The following HMGN1 variants were observed in gnomAD, a reference collection of about 807,000 sequenced individuals.
The protein encoded by HMGN1 is non-histone chromosomal protein HMG-14.
HMGN1 carries 9 observed loss-of-function variants against 18.4 expected under a neutral mutation model. The observed-to-expected ratio is 0.49, with a 90% confidence interval of 0.29 to 0.85. The LOEUF is 0.85. Ranked by LOEUF, HMGN1 falls within the 40% of genes least tolerant of loss-of-function variation. The pLI, the probability that HMGN1 is intolerant of heterozygous loss-of-function variation, is 0.07. For missense variants in HMGN1, 151 were observed against 119.2 expected, an observed-to-expected ratio of 1.27 and a Z score of -1.24; for synonymous variants, 59 against 45.0, an observed-to-expected ratio of 1.31 and a Z score of -1.24.
At chr21:39,348,605 G>C (rs199956089) in intron 1 of HMGN1, 28 bp from the exon 2 acceptor site, 7 of 1,568,454 alleles carry the variant, frequency 4.5e-6, no homozygotes, top group Non-Finnish European at 5.2e-6. Context: ...CACGAATAGA[G>C]GCGGGCCGCA....
chr21:39,347,606 T>C (rs997453475), intron 4 of HMGN1: 1 of 420,970 alleles, frequency 2.4e-6, no homozygotes, highest in South Asian at 1.7e-5. Flanking sequence ...CTTTACAGGT[T>C]TCAATGCTAT....
intron 4 of HMGN1, 101 bp from the exon 5 acceptor site, chr21:39,345,375 G>T (rs2037015187): frequency 8.8e-7 from 1 of 1,140,764 alleles, no homozygotes; most frequent in East Asian, 2.4e-5. Flanking sequence ...TGTGCCCAGT[G>T]GTGCTGACTT....
At chr21:39,343,285 T>A in intron 5 of HMGN1, 126 bp from the exon 6 acceptor site, 2 of 918,794 alleles carry the variant, frequency 2.2e-6, no homozygotes. Context: ...CCTACTCTTG[T>A]TAAAAAACTT....
intron 4 of HMGN1, chr21:39,345,666 G>T (rs746158112): frequency 4.4e-5 from 19 of 427,678 alleles, no homozygotes; most frequent in Non-Finnish European, 7.9e-5. Flanking sequence ...CACCACTGTC[G>T]CCATCATCCA....
intron 5 of HMGN1, among the ~76,000 whole-genome samples, chr21:39,344,316 CTG>C (rs1353041664): frequency 7.0e-6 from 1 of 143,868 alleles, no homozygotes; most frequent in Non-Finnish European, 1.5e-5. Context: ...AAAAAATAAA[CTG>C]TGATTATAAA....
chr21:39,348,519 A>ACCC (rs773459571), intron 2 of HMGN1, 26 bp downstream of exon 2: 4 of 1,609,848 alleles, frequency 2.5e-6, no homozygotes, highest in Non-Finnish European at 3.4e-6. Flanking sequence ...GAAACCCACC[A>ACCC]CCCCCCGCAG....
chr21:39,343,577 G>A (rs2036938625), intron 5 of HMGN1, among the ~76,000 whole-genome samples: 1 of 152,198 alleles, frequency 6.6e-6, no homozygotes, highest in Non-Finnish European at 1.5e-5. Context: ...TCAATTCAAG[G>A]CTGTGATGTG....
intron 4 of HMGN1, chr21:39,345,665 C>G: frequency 2.3e-6 from 1 of 425,614 alleles, no homozygotes; most frequent in Non-Finnish European, 4.4e-6. Context: ...TCACCACTGT[C>G]GCCATCATCC....
chr21:39,348,679 T>G (rs1486234614), intron 1 of HMGN1, 102 bp from the exon 2 acceptor site: 1 of 1,384,526 alleles, frequency 7.2e-7, no homozygotes, highest in Non-Finnish European at 9.6e-7. Flanking sequence ...CGTCACGGCT[T>G]CCCGCCGCCC....
intron 4 of HMGN1, 150 bp downstream of exon 4, chr21:39,348,137 CCATTA>C (rs1052473889): frequency 2.0e-6 from 2 of 980,680 alleles, no homozygotes; most frequent in Admixed American, 5.0e-5. Flanking sequence ...ATGAATATAT[CCATTA>C]CATTTTTGCC....
At chr21:39,348,630 G>GGGCCCGCCCGGCCCCGAGAACAATGCCC in intron 1 of HMGN1, 53 bp from the exon 2 acceptor site, 3 of 1,509,372 alleles carry the variant, frequency 2.0e-6, no homozygotes, top group Non-Finnish European at 2.6e-6. Flanking sequence ...CAGGACTCGC[G>GGGCCCGCCCGGCCCCGAGAACAATGCCC]GGCCCGCCCG....
At chr21:39,343,186 T>G in intron 5 of HMGN1, 27 bp from the exon 6 acceptor site, 1 of 1,582,640 alleles carries the variant, frequency 6.3e-7, no homozygotes, top group Non-Finnish European at 8.6e-7. Context: ...ATTGAGATCT[T>G]TAGCATTTAA....
chr21:39,345,148 C>T lies in HMGN1; in HGVS notation c.253G>A (p.Glu85Lys). The change falls in exon 5 of 6, where the codon GAG (glutamate) becomes AAG (lysine). Residue 85 changes from glutamate to lysine, a missense_variant and splice_region_variant. Transcript: ENST00000380749. ...PAENGETKTE[E>K]SPASDEAGEK... The stretch of plus-strand genomic sequence containing the variant: ...ACACACACACACACACTTCTGACCT[C>T]CTCAGTCTTCGTTTCCCCGTTTTCC... 1 of 1,587,996 alleles carries T rather than the reference C, an allele frequency of 6.3e-7. No individual in the cohort carries two copies. The highest frequency in any genetic ancestry group is 8.6e-7 in the Non-Finnish European group (1 of 1,165,848).
intron 4 of HMGN1, chr21:39,347,243 A>G: frequency 1.5e-6 from 1 of 676,694 alleles, no homozygotes; most frequent in Non-Finnish European, 2.0e-6. Flanking sequence ...TACTATTCTC[A>G]TACCTTCCGT....
At chr21:39,343,251 C>G in intron 5 of HMGN1, 92 bp from the exon 6 acceptor site, 2 of 1,227,130 alleles carry the variant, frequency 1.6e-6, no homozygotes, top group Non-Finnish European at 2.3e-6. Flanking sequence ...AGTCAATAAC[C>G]TTTGTTATTT....
At chr21:39,348,754 G>T in intron 1 of HMGN1, 149 bp downstream of exon 1, 1 of 1,077,976 alleles carries the variant, frequency 9.3e-7, no homozygotes, top group Non-Finnish European at 1.2e-6. Flanking sequence ...CCCCGCGGCC[G>T]CCGAGCGCTC....
chr21:39,344,181 G>A (rs933985543), intron 5 of HMGN1, among the ~76,000 whole-genome samples: 14 of 150,094 alleles, frequency 9.3e-5, no homozygotes, highest in East Asian at 1.9e-4. Context: ...GCTTGAACCC[G>A]GGAGGTGGAG....
chr21:39,348,494 G>T, intron 2 of HMGN1, 43 bp from the exon 3 acceptor site: 1 of 1,614,090 alleles, frequency 6.2e-7, no homozygotes, highest in Non-Finnish European at 8.5e-7. Flanking sequence ...GAGAAGGCAG[G>T]CCAGCGGCTC....
At chr21:39,345,019 C>T (rs1173030895) in intron 5 of HMGN1, 127 bp downstream of exon 5, 4 of 1,113,822 alleles carry the variant, frequency 3.6e-6, no homozygotes, top group Admixed American at 3.4e-5. Flanking sequence ...TTTGGGATAC[C>T]GTACAAAACT....
Sources: allele counts gnomAD v4.1 joint callset (sites outside exome capture counted in the v4.1 genomes callset), GRCh38; gene constraint gnomAD v4.1.1; transcripts MANE v1.5; gene names NCBI Gene and HGNC (gene_info 2026-07-23, HGNC 2026-07-21).